PDE4D: variants seen among roughly 807,000 people sequenced by gnomAD.
PDE4D encodes the protein 3',5'-cyclic-AMP phosphodiesterase 4D.
In PDE4D, 24 loss-of-function variants were observed where a neutral mutation model predicts 87.4. That is an observed-to-expected ratio of 0.27 (90% CI 0.20 to 0.39). The LOEUF (loss-of-function observed/expected upper bound fraction) is 0.39, where lower values mean the gene tolerates loss of function less well. PDE4D is among the 10% of genes least tolerant of loss of function. The pLI, the probability that PDE4D is intolerant of heterozygous loss-of-function variation, is 1.00. For synonymous variants in PDE4D, 384 were observed against 383.2 expected (o/e 1.00, Z -0.02); for missense variants, 714 against 1,041.0 (o/e 0.69, Z 4.32).
chr5:60,263,980 GA>G (rs1749920054), intron 1 of PDE4D, among the ~76,000 whole-genome samples: 1 of 151,042 alleles, frequency 6.6e-6, no homozygotes, highest in African/African-American at 2.4e-5. Context: ...CACTACATGT[GA>G]AAAAATAATA....
At chr5:59,094,145 G>A (rs186791411) in intron 5 of PDE4D, among the ~76,000 whole-genome samples, 57 of 147,216 alleles carry the variant, frequency 3.9e-4, no homozygotes, top group Non-Finnish European at 7.0e-4. Flanking sequence ...TTGAACCTGG[G>A]AGGCAGAGGT....
chr5:59,111,690 T>C (rs1772670908), intron 5 of PDE4D, among the ~76,000 whole-genome samples: 1 of 152,254 alleles, frequency 6.6e-6, no homozygotes, highest in Non-Finnish European at 1.5e-5. Flanking sequence ...AAGCCACAGC[T>C]TTCCAAGACC....
intron 1 of PDE4D, among the ~76,000 whole-genome samples, chr5:59,344,219 T>C (rs1026076619): frequency 6.6e-6 from 1 of 152,174 alleles, no homozygotes; most frequent in South Asian, 2.1e-4. Context: ...CAGTAGTTCT[T>C]AGTATAACCA....
chr5:59,012,473 A>G (rs1375829305), intron 6 of PDE4D, among the ~76,000 whole-genome samples: 2 of 152,090 alleles, frequency 1.3e-5, no homozygotes, highest in Admixed American at 1.3e-4. Context: ...CCAAGCAAAT[A>G]GAAAACAAAA....
chr5:59,931,128 C>T (rs995525010), intron 3 of PDE4D, among the ~76,000 whole-genome samples: 7 of 152,092 alleles, frequency 4.6e-5, no homozygotes, highest in African/African-American at 1.7e-4. Flanking sequence ...TTAATCAAAG[C>T]AATACTTTTC....
intron 1 of PDE4D, among the ~76,000 whole-genome samples, chr5:59,228,125 T>C (rs983809632): frequency 3.9e-5 from 6 of 152,166 alleles, no homozygotes; most frequent in Non-Finnish European, 7.4e-5. Flanking sequence ...AGCTACAGGC[T>C]ATTATTTTTA....
At chr5:59,012,736 C>T (rs1316347415) in intron 6 of PDE4D, among the ~76,000 whole-genome samples, 5 of 152,154 alleles carry the variant, frequency 3.3e-5, no homozygotes, top group Non-Finnish European at 7.3e-5. Context: ...CAACATTAGA[C>T]AGATCAACGA....
chr5:59,461,227 G>C (rs1054504023), intron 1 of PDE4D, among the ~76,000 whole-genome samples: 15 of 151,814 alleles, frequency 9.9e-5, no homozygotes, highest in Non-Finnish European at 2.1e-4. Context: ...TACCATTTTA[G>C]TAAAAAAGAT....
At chr5:60,189,117 G>A (rs139554383) in intron 1 of PDE4D, among the ~76,000 whole-genome samples, 89 of 152,296 alleles carry the variant, frequency 5.8e-4, no homozygotes, top group Non-Finnish European at 9.6e-4. Flanking sequence ...GTGCAATTTC[G>A]TTACGATAGG....
intron 1 of PDE4D, among the ~76,000 whole-genome samples, chr5:59,325,242 C>T (rs911727202): frequency 7.9e-5 from 12 of 152,120 alleles, no homozygotes; most frequent in African/African-American, 2.4e-4. Context: ...AGGGGGAAAC[C>T]TAACAACATA....
At chr5:59,528,263 T>G (rs1813523582) in intron 1 of PDE4D, among the ~76,000 whole-genome samples, 1 of 152,102 alleles carries the variant, frequency 6.6e-6, no homozygotes, top group South Asian at 2.1e-4. Context: ...GGAGTGACAA[T>G]CTTTATTATG....
rs140058693 is a variant in PDE4D at position 59,630,917 on chromosome 5, C to T, written c.455+262251G>A. Among the ~76,000 whole-genome samples the T allele has an allele frequency of 2.1e-4, 32 of 152,128 alleles. 1 individual carries two copies. The highest frequency in any genetic ancestry group is 5.1e-4 in the African/African-American group (21 of 41,514). ...TGAGTCACTTAATATTCCTGACGCT[C>T]GGTTTTTTTTCCCTAGAAAATGTAG... is the stretch of plus-strand genomic sequence containing the variant. On this transcript the variant is annotated intron_variant, in intron 1 of 14. Transcript: ENST00000340635.
intron 2 of PDE4D, among the ~76,000 whole-genome samples, chr5:60,112,258 AT>A (rs1777758982): frequency 6.6e-6 from 1 of 152,080 alleles, no homozygotes; most frequent in Non-Finnish European, 1.5e-5. Context: ...GTCAATTTTC[AT>A]TCTGAACATT....
intron 3 of PDE4D, among the ~76,000 whole-genome samples, chr5:59,944,849 C>T (rs1238730877): frequency 1.3e-5 from 2 of 152,110 alleles, no homozygotes; most frequent in Admixed American, 6.5e-5. Context: ...TTCCCTCTTC[C>T]TGCTCTTCCT....
intron 6 of PDE4D, among the ~76,000 whole-genome samples, chr5:59,013,926 C>T (rs1269592526): frequency 6.6e-6 from 1 of 152,188 alleles, no homozygotes; most frequent in Non-Finnish European, 1.5e-5. Context: ...AATCCAGCAG[C>T]ACATCAAAAA....
chr5:59,925,294 G>A (rs370901695), intron 3 of PDE4D, among the ~76,000 whole-genome samples: 36 of 151,660 alleles, frequency 2.4e-4, no homozygotes, highest in Admixed American at 3.9e-4. Context: ...TTAATTTGTC[G>A]TCAGCTTAAA....
chr5:59,113,601 A>G (rs2153440638), intron 5 of PDE4D, among the ~76,000 whole-genome samples: 1 of 152,326 alleles, frequency 6.6e-6, no homozygotes, highest in African/African-American at 2.4e-5. Flanking sequence ...TATTGGTTTT[A>G]TTCTAAGAAA....
At chr5:60,075,065 A>G (rs1268011547) in intron 2 of PDE4D, among the ~76,000 whole-genome samples, 1 of 152,158 alleles carries the variant, frequency 6.6e-6, no homozygotes, top group Non-Finnish European at 1.5e-5. Context: ...GGTGGTTACT[A>G]TGCAGACTTG....
chr5:59,541,345 T>C (rs1451685408), intron 1 of PDE4D, among the ~76,000 whole-genome samples: 3 of 152,236 alleles, frequency 2.0e-5, no homozygotes, highest in Non-Finnish European at 2.9e-5. Flanking sequence ...AGATTGTTTT[T>C]ATAAATGAAG....
Sources: gnomAD v4.1 joint callset for allele counts (sites outside exome capture counted in the v4.1 genomes callset) on GRCh38, gnomAD v4.1.1 for gene constraint, MANE v1.5 for transcripts, NCBI Gene and HGNC (gene_info 2026-07-23, HGNC 2026-07-21) for gene names.